The following KCNMB2 variants were observed in gnomAD, a reference collection of about 807,000 sequenced individuals.
KCNMB2 encodes calcium-activated potassium channel subunit beta-2.
A neutral mutation model predicts 24.5 loss-of-function variants in KCNMB2; 9 were observed. The observed-to-expected ratio is 0.37, with a 90% CI of 0.22 to 0.64. The LOEUF is 0.64. Ranked by LOEUF, KCNMB2 falls within the 30% of genes least tolerant of loss-of-function variation. The pLI, the probability that KCNMB2 is intolerant of heterozygous loss-of-function variation, is 0.63. For synonymous variants in KCNMB2, 109 were observed against 104.4 expected, an observed-to-expected ratio of 1.04 and a Z score of -0.27; for missense variants, 226 against 284.3, an observed-to-expected ratio of 0.79 and a Z score of 1.47.
chr3:178,542,342 T>A, intron 1 of KCNMB2, among the ~76,000 whole-genome samples: 1 of 152,328 alleles, frequency 6.6e-6, no homozygotes, highest in African/African-American at 2.4e-5. Context: ...TTAAATGTCA[T>A]AATATATACC....
intron 4 of KCNMB2, among the ~76,000 whole-genome samples, chr3:178,830,859 G>A (rs780713242): frequency 5.9e-5 from 9 of 152,112 alleles, no homozygotes; most frequent in South Asian, 2.1e-4. Context: ...ATATCTTCTC[G>A]CATTATGTGG....
intron 1 of KCNMB2, among the ~76,000 whole-genome samples, chr3:178,701,341 G>A (rs182185453): frequency 6.6e-6 from 1 of 152,256 alleles, no homozygotes; most frequent in East Asian, 1.9e-4. Flanking sequence ...CCAGTACCAT[G>A]CTGTTTTGGT....
intron 1 of KCNMB2, among the ~76,000 whole-genome samples, chr3:178,802,785 T>A (rs1713821916): frequency 2.0e-5 from 3 of 152,162 alleles, no homozygotes; most frequent in Admixed American, 1.3e-4. Flanking sequence ...AGAATGGGTA[T>A]CAGAACTTAA....
At chr3:178,830,596 T>C (rs1715018295) in intron 4 of KCNMB2, among the ~76,000 whole-genome samples, 1 of 152,188 alleles carries the variant, frequency 6.6e-6, no homozygotes, top group South Asian at 2.1e-4. Flanking sequence ...ATGAGAGTTC[T>C]TACTGCTCCA....
chr3:178,638,839 C>A (rs1044358166), intron 1 of KCNMB2, among the ~76,000 whole-genome samples: 15 of 152,170 alleles, frequency 9.9e-5, no homozygotes, highest in African/African-American at 3.6e-4. Flanking sequence ...TTCTTTCATA[C>A]AAGCCTTTTA....
intron 1 of KCNMB2, among the ~76,000 whole-genome samples, chr3:178,610,123 C>T (rs1718429805): frequency 1.3e-5 from 2 of 152,084 alleles, no homozygotes; most frequent in African/African-American, 4.8e-5. Flanking sequence ...CTATGTTGTT[C>T]CATTGGTCTA....
At position 178,738,922 on chromosome 3, in the gene KCNMB2, A is replaced by G. The variant is rs57838885; in HGVS notation, c.-67-68421A>G. Among the ~76,000 whole-genome samples the G allele has an allele frequency of 3.8e-3, 568 of 148,420 alleles. 4 individuals carry two copies. Among genetic ancestry groups the G allele is most frequent in the African/African-American group, 0.014 (541 of 40,018 alleles). Reference sequence around the variant, plus strand: ...ACGTCTAGTCCATGATGTGCCTGCAATGAATACCTACTGAATCAGTCTGTT... The same window carrying G: ...ACGTCTAGTCCATGATGTGCCTGCAGTGAATACCTACTGAATCAGTCTGTT... On this transcript the variant is annotated intron_variant, in intron 1 of 4. Transcript: ENST00000452583.
intron 1 of KCNMB2, among the ~76,000 whole-genome samples, chr3:178,793,516 G>GT (rs1553778510): frequency 6.6e-6 from 1 of 151,812 alleles, no homozygotes; most frequent in African/African-American, 2.4e-5. Flanking sequence ...CTTCACCCTG[G>GT]GGGGGTGGGC....
intron 1 of KCNMB2, among the ~76,000 whole-genome samples, chr3:178,735,153 C>T (rs7612729): frequency 0.12 from 17,651 of 152,286 alleles, 1,100 homozygotes; most frequent in Non-Finnish European, 0.14. Context: ...GAAAAGCACT[C>T]CTTATGAAGT....
intron 1 of KCNMB2, among the ~76,000 whole-genome samples, chr3:178,797,253 T>G (rs1171097043): frequency 6.6e-6 from 1 of 152,074 alleles, no homozygotes; most frequent in Non-Finnish European, 1.5e-5. Context: ...AAAAGCTTCC[T>G]GCAAAGAAAA....
At chr3:178,642,933 T>A (rs1719778966) in intron 1 of KCNMB2, among the ~76,000 whole-genome samples, 1 of 152,214 alleles carries the variant, frequency 6.6e-6, no homozygotes, top group Non-Finnish European at 1.5e-5. Flanking sequence ...CAGCTTCAAC[T>A]TTCCCCACCT....
intron 1 of KCNMB2, among the ~76,000 whole-genome samples, chr3:178,672,376 A>G (rs1720929764): frequency 6.6e-6 from 1 of 152,166 alleles, no homozygotes; most frequent in South Asian, 2.1e-4. Flanking sequence ...AGCTGGAATT[A>G]CAACCTAGGT....
chr3:178,765,522 C>T (rs938321420), intron 1 of KCNMB2, among the ~76,000 whole-genome samples: 4 of 151,094 alleles, frequency 2.6e-5, no homozygotes, highest in Non-Finnish European at 5.9e-5. Context: ...TGGCTTGTCA[C>T]CTACACAATC....
intron 1 of KCNMB2, among the ~76,000 whole-genome samples, chr3:178,800,341 T>G (rs1452823736): frequency 1.3e-5 from 2 of 152,034 alleles, no homozygotes; most frequent in Admixed American, 1.3e-4. Flanking sequence ...GAAAAAAATC[T>G]AATAATCTGA....
At chr3:178,784,523 A>T (rs1713017059) in intron 1 of KCNMB2, among the ~76,000 whole-genome samples, 1 of 152,132 alleles carries the variant, frequency 6.6e-6, no homozygotes, top group Non-Finnish European at 1.5e-5. Context: ...TGTTATTTAT[A>T]GGGCTTCCTT....
At chr3:178,777,239 G>A (rs910043831) in intron 1 of KCNMB2, among the ~76,000 whole-genome samples, 1 of 152,086 alleles carries the variant, frequency 6.6e-6, no homozygotes. Flanking sequence ...TTCAAGACCA[G>A]CCTGGCCAAC....
chr3:178,758,101 T>C (rs1441367295), intron 1 of KCNMB2, among the ~76,000 whole-genome samples: 1 of 109,248 alleles, frequency 9.2e-6, no homozygotes, highest in Non-Finnish European at 1.9e-5. Context: ...GATATATATA[T>C]ATACACACAA....
chr3:178,743,496 CTACAAG>C (rs1723560549), intron 1 of KCNMB2, among the ~76,000 whole-genome samples: 1 of 152,182 alleles, frequency 6.6e-6, no homozygotes. Flanking sequence ...CCACGTGCTA[CTACAAG>C]TGGCCTGACT....
rs9864665 is a variant in KCNMB2, at chr3:178,660,086, C to A, written c.-68+123375C>A. Among the ~76,000 whole-genome samples the A allele has an allele frequency of 5.8e-3, 885 of 152,198 alleles. 8 individuals are homozygous for A. Among genetic ancestry groups the A allele is most frequent in the African/African-American group, 0.02 (834 of 41,542 alleles). ...GCAGCATGAGAGCCTCATAGCCAAG[C>A]AAAAGGAGCATAAATTTTGAATCAC... On this transcript the variant is annotated intron_variant, in intron 1 of 4. Transcript: ENST00000452583.
Sources: allele counts gnomAD v4.1 joint callset (sites outside exome capture counted in the v4.1 genomes callset), GRCh38; gene constraint gnomAD v4.1.1; transcripts MANE v1.5; gene names NCBI Gene and HGNC (gene_info 2026-07-23, HGNC 2026-07-21).